Variants in TMEM230 observed in about 807,000 individuals in gnomAD.
TMEM230 encodes the protein transmembrane protein 230, also known as UPF0414 transmembrane protein C20orf30.
Under a neutral mutation model 15.8 loss-of-function variants are expected in TMEM230, and 10 were observed. The ratio of observed to expected loss-of-function variants is 0.63; its 90% CI spans 0.39 to 1.07. The LOEUF (loss-of-function observed/expected upper bound fraction) is 1.07, where lower values mean the gene tolerates loss of function less well. Ranked by LOEUF, TMEM230 falls within the 50% of genes least tolerant of loss-of-function variation. The pLI is 0.01. For synonymous variants in TMEM230, 67 were observed against 76.9 expected, an observed-to-expected ratio of 0.87 and a Z score of 0.68; for missense variants, 165 against 193.3, an observed-to-expected ratio of 0.85 and a Z score of 0.87.
intron 3 of TMEM230, among the ~76,000 whole-genome samples, chr20:5,076,235 G>C (rs2088989381): frequency 6.6e-6 from 1 of 152,090 alleles, no homozygotes; most frequent in Admixed American, 6.6e-5. Flanking sequence ...GCAGTGACTT[G>C]AGAGGCAAGC....
the TMEM230 span, among the ~76,000 whole-genome samples, chr20:5,062,639 T>C: frequency 2.6e-5 from 4 of 152,082 alleles, no homozygotes; most frequent in Non-Finnish European, 5.9e-5. Context: ...GGTGCATGCT[T>C]GTAGTCCCAG....
At chr20:5,087,093 C>T (rs905547746) in intron 3 of TMEM230, among the ~76,000 whole-genome samples, 7 of 152,090 alleles carry the variant, frequency 4.6e-5, no homozygotes, top group Non-Finnish European at 7.4e-5. Context: ...AGGCTGGTCT[C>T]GAACTCACAG....
At chr20:5,092,576 G>C (rs1468429678) in intron 3 of TMEM230, among the ~76,000 whole-genome samples, 1 of 152,040 alleles carries the variant, frequency 6.6e-6, no homozygotes, top group Non-Finnish European at 1.5e-5. Flanking sequence ...AATTAGCCCA[G>C]GTGGTGGCAC....
At chr20:5,097,469 G>A (rs2089696084), downstream of TMEM230, among the ~76,000 whole-genome samples, 1 of 152,090 alleles carries the variant, frequency 6.6e-6, no homozygotes, top group African/African-American at 2.4e-5. Context: ...TTTGGAGTGG[G>A]GAGGAGGTTA....
chr20:5,086,276 G>A (rs1481525693), intron 3 of TMEM230, among the ~76,000 whole-genome samples: 2 of 148,524 alleles, frequency 1.3e-5, no homozygotes, highest in Non-Finnish European at 3.0e-5. Flanking sequence ...GGTGGCTCAC[G>A]CCTGTAATCC....
intron 3 of TMEM230, among the ~76,000 whole-genome samples, chr20:5,107,735 G>A (rs1457953608): frequency 6.6e-6 from 1 of 151,152 alleles, no homozygotes. Context: ...GACTACTTGA[G>A]CCCAGAAGGT....
At chr20:5,089,553 T>C (rs1164439473) in intron 3 of TMEM230, among the ~76,000 whole-genome samples, 1 of 150,590 alleles carries the variant, frequency 6.6e-6, no homozygotes, top group Non-Finnish European at 1.5e-5. Context: ...ATACAAAAAT[T>C]ATCTGGGTGT....
At chr20:5,108,296 G>A (rs1298829817) in intron 3 of TMEM230, among the ~76,000 whole-genome samples, 3 of 151,830 alleles carry the variant, frequency 2.0e-5, no homozygotes, top group East Asian at 1.9e-4. Context: ...GCGCATGCCC[G>A]TAATCCCAGC....
At chr20:5,082,220 GTTTCTCTCTCTC>G (rs956122082) in intron 3 of TMEM230, among the ~76,000 whole-genome samples, 25 of 124,706 alleles carry the variant, frequency 2.0e-4, no homozygotes, top group Admixed American at 2.0e-3. Context: ...GGAAAGCCTT[GTTTCTCTCTCTC>G]TTTCTCTCTC....
chr20:5,077,591 T>TG (rs1214441613), intron 3 of TMEM230, among the ~76,000 whole-genome samples: 2 of 151,728 alleles, frequency 1.3e-5, no homozygotes, highest in East Asian at 3.9e-4. Flanking sequence ...CCCAGCACTT[T>TG]GGGGGGCTGA....
intron 3 of TMEM230, among the ~76,000 whole-genome samples, chr20:5,083,068 C>T (rs1301352856): frequency 1.3e-5 from 2 of 151,886 alleles, no homozygotes; most frequent in Admixed American, 6.6e-5. Context: ...GCTGGGATTA[C>T]AGGCGTGCAC....
At chr20:5,106,645 G>A (rs543373520) in intron 3 of TMEM230, among the ~76,000 whole-genome samples, 1 of 152,250 alleles carries the variant, frequency 6.6e-6, no homozygotes, top group East Asian at 1.9e-4. Context: ...GACCTCAGGT[G>A]ATCCGCCCGC....
downstream of TMEM230, among the ~76,000 whole-genome samples, chr20:5,063,274 T>C (rs1234279617): frequency 3.5e-5 from 5 of 142,062 alleles, no homozygotes; most frequent in African/African-American, 8.1e-5. Context: ...GTAGCTGCTA[T>C]GAATTTTTTT....
chr20:5,088,275 C>T (rs1270883778), intron 3 of TMEM230, among the ~76,000 whole-genome samples: 1 of 146,912 alleles, frequency 6.8e-6, no homozygotes, highest in Non-Finnish European at 1.5e-5. Context: ...TGCCACTGTA[C>T]TCCAGCCTGG....
chr20:5,095,095 G>A (rs1421697464), downstream of TMEM230, among the ~76,000 whole-genome samples: 1 of 152,184 alleles, frequency 6.6e-6, no homozygotes, highest in South Asian at 2.1e-4. Flanking sequence ...GGCAAACTCT[G>A]TAGACATTAA....
At chr20:5,071,558 G>A (rs1181588430) in intron 3 of TMEM230, among the ~76,000 whole-genome samples, 1 of 151,536 alleles carries the variant, frequency 6.6e-6, no homozygotes, top group East Asian at 2.0e-4. Context: ...GGACGGCGGA[G>A]GTTGCAGTGA....
chr20:5,095,996 C>A (rs935281515), downstream of TMEM230, among the ~76,000 whole-genome samples: 2 of 152,246 alleles, frequency 1.3e-5, no homozygotes, highest in African/African-American at 4.8e-5. Context: ...GATTGGAGCA[C>A]ACAGCCTTCC....
At chr20:5,074,836 C>CT (rs1461835231) in intron 3 of TMEM230, among the ~76,000 whole-genome samples, 1 of 151,970 alleles carries the variant, frequency 6.6e-6, no homozygotes, top group Non-Finnish European at 1.5e-5. Context: ...ATTTTTATTA[C>CT]TTTTTAAAAT....
intron 4 of TMEM230, among the ~76,000 whole-genome samples, chr20:5,101,930 A>G (rs2089885045): frequency 6.6e-6 from 1 of 152,244 alleles, no homozygotes; most frequent in South Asian, 2.1e-4. Flanking sequence ...CCACACATAT[A>G]ACAGAATTGC....
Sources: gnomAD v4.1 joint callset for allele counts (sites outside exome capture counted in the v4.1 genomes callset) on GRCh38, gnomAD v4.1.1 for gene constraint, MANE v1.5 for transcripts, NCBI Gene and HGNC (gene_info 2026-07-23, HGNC 2026-07-21) for gene names.